CCDC178: variants seen among roughly 807,000 people sequenced by gnomAD.
CCDC178 encodes the protein coiled-coil domain containing 178.
CCDC178 carries 126 observed loss-of-function variants against 117.4 expected under a neutral mutation model. The ratio of observed to expected loss-of-function variants is 1.07; its 90% CI spans 0.93 to 1.24. The LOEUF is 1.24. Ranked by LOEUF, CCDC178 falls within the 50% of genes most tolerant of loss-of-function variation. CCDC178 has a pLI of 0.00. For missense variants in CCDC178, 1,030 were observed against 986.9 expected (o/e 1.04, Z -0.59); for synonymous variants, 283 against 313.4 (o/e 0.90, Z 1.02).
chr18:33,321,438 G>C (rs144687746), intron 11 of CCDC178, among the ~76,000 whole-genome samples: 1 of 152,024 alleles, frequency 6.6e-6, no homozygotes, highest in Non-Finnish European at 1.5e-5. Flanking sequence ...TTATTTTGTG[G>C]GTAAATTTAA....
intron 20 of CCDC178, among the ~76,000 whole-genome samples, chr18:33,118,422 C>A (rs990790462): frequency 6.6e-6 from 1 of 152,064 alleles, no homozygotes. Flanking sequence ...CCCTACTGAT[C>A]CACTACCAAA....
intron 22 of CCDC178, among the ~76,000 whole-genome samples, chr18:32,963,738 T>G (rs2054753567): frequency 6.6e-6 from 1 of 152,032 alleles, no homozygotes; most frequent in Non-Finnish European, 1.5e-5. Flanking sequence ...CTTACTGCCC[T>G]CATTTGTATT....
At chr18:32,962,982 CTGA>C (rs1598736328) in intron 22 of CCDC178, among the ~76,000 whole-genome samples, 1 of 151,920 alleles carries the variant, frequency 6.6e-6, no homozygotes, top group Admixed American at 6.6e-5. Context: ...CTAAATTAGC[CTGA>C]TATTTCTGGA....
intron 21 of CCDC178, among the ~76,000 whole-genome samples, chr18:33,037,184 T>C (rs1317379566): frequency 1.3e-5 from 2 of 152,008 alleles, no homozygotes; most frequent in Non-Finnish European, 2.9e-5. Context: ...AAATACTTTC[T>C]TGAAAAATTG....
At chr18:33,146,519 A>T (rs983627788) in intron 20 of CCDC178, among the ~76,000 whole-genome samples, 1 of 152,128 alleles carries the variant, frequency 6.6e-6, no homozygotes, top group African/African-American at 2.4e-5. Flanking sequence ...ATTTAGCAGG[A>T]TATGGTGGCA....
At chr18:33,176,559 T>A (rs556682137) in intron 20 of CCDC178, among the ~76,000 whole-genome samples, 26 of 152,284 alleles carry the variant, frequency 1.7e-4, no homozygotes, top group Admixed American at 6.5e-4. Context: ...TTTTTCCCCC[T>A]CTTTCACTAG....
chr18:33,347,092 T>C (rs1257023819), intron 8 of CCDC178, among the ~76,000 whole-genome samples: 1 of 151,944 alleles, frequency 6.6e-6, no homozygotes, highest in Non-Finnish European at 1.5e-5. Context: ...AACAAGCACA[T>C]GGTCTTTGCT....
At chr18:33,346,542 C>T in intron 8 of CCDC178, 131 bp from the exon 9 acceptor site, 1 of 420,096 alleles carries the variant, frequency 2.4e-6, no homozygotes, top group African/African-American at 2.0e-5. Context: ...AAATGAATTA[C>T]CTTTTAAAAA....
rs576653136 is a variant in CCDC178 at position 33,284,193 on chromosome 18, G to A, written c.1176+8966C>T. 7.2e-5 allele frequency among the ~76,000 whole-genome samples: 11 copies of A among 152,282 alleles called. No individual in the cohort carries two copies. In the South Asian group the frequency reaches 2.3e-3, roughly 32 times the overall value. ...GCCGCATGTTCTCATTTACAAGTGGGAGCTAAATGATGAGAACACATGGAT... is the reference window on the plus strand; with the variant it reads ...GCCGCATGTTCTCATTTACAAGTGGAAGCTAAATGATGAGAACACATGGAT... On this transcript the variant is annotated intron_variant, in intron 12 of 22. Transcript: ENST00000383096.
chr18:33,097,976 G>A (rs912959905), intron 20 of CCDC178, among the ~76,000 whole-genome samples: 2 of 152,026 alleles, frequency 1.3e-5, no homozygotes, highest in African/African-American at 2.4e-5. Context: ...CAAATGCATG[G>A]ACCTTCAAAG....
chr18:33,190,785 A>AT (rs2058848634), intron 20 of CCDC178, among the ~76,000 whole-genome samples: 1 of 152,190 alleles, frequency 6.6e-6, no homozygotes, highest in Non-Finnish European at 1.5e-5. Flanking sequence ...TTTCCTGTAA[A>AT]TACCTGCTCT....
intron 2 of CCDC178, among the ~76,000 whole-genome samples, chr18:33,414,903 C>T (rs1252057424): frequency 6.6e-6 from 1 of 152,184 alleles, no homozygotes; most frequent in Admixed American, 6.5e-5. Context: ...TATGAACAGA[C>T]ACTTCTCAAA....
intron 14 of CCDC178, among the ~76,000 whole-genome samples, chr18:33,252,290 A>G (rs1568090048): frequency 6.6e-6 from 1 of 151,748 alleles, no homozygotes; most frequent in Non-Finnish European, 1.5e-5. Flanking sequence ...ACCCAAATTC[A>G]TATTTCAATG....
chr18:33,185,954 C>T (rs1197845047), intron 20 of CCDC178, among the ~76,000 whole-genome samples: 2 of 151,976 alleles, frequency 1.3e-5, no homozygotes, highest in Non-Finnish European at 2.9e-5. Context: ...CCAACACCAC[C>T]AACACCAACT....
intron 3 of CCDC178, among the ~76,000 whole-genome samples, chr18:33,397,934 T>C (rs371993422): frequency 6.6e-6 from 1 of 151,988 alleles, no homozygotes; most frequent in Admixed American, 6.6e-5. Context: ...ATAAAAAAAG[T>C]TTAAACAAAC....
chr18:33,001,411 G>GCTGGTAGT (rs113946230), intron 21 of CCDC178, among the ~76,000 whole-genome samples: 1 of 151,814 alleles, frequency 6.6e-6, no homozygotes, highest in African/African-American at 2.4e-5. Context: ...TACTTGGGAG[G>GCTGGTAGT]CTGAGGCAGG....
intron 21 of CCDC178, among the ~76,000 whole-genome samples, chr18:33,091,897 G>A (rs964139872): frequency 1.3e-5 from 2 of 152,138 alleles, no homozygotes; most frequent in Non-Finnish European, 1.5e-5. Flanking sequence ...AAGGCAACTT[G>A]CCAAGCTCAC....
intron 2 of CCDC178, among the ~76,000 whole-genome samples, chr18:33,438,123 C>T (rs140504455): frequency 6.6e-6 from 1 of 152,244 alleles, no homozygotes; most frequent in African/African-American, 2.4e-5. Flanking sequence ...ACCATAACTT[C>T]CACAGTGATC....
At chr18:33,337,663 AC>A (rs1398851357) in intron 9 of CCDC178, among the ~76,000 whole-genome samples, 1 of 152,184 alleles carries the variant, frequency 6.6e-6, no homozygotes, top group African/African-American at 2.4e-5. Context: ...TGAGGAAAGG[AC>A]ACCCTATTCA....
Sources: gnomAD v4.1 joint callset for allele counts (sites outside exome capture counted in the v4.1 genomes callset) on GRCh38, gnomAD v4.1.1 for gene constraint, MANE v1.5 for transcripts, NCBI Gene and HGNC (gene_info 2026-07-23, HGNC 2026-07-21) for gene names.